HS3ST5: variants seen among roughly 807,000 people sequenced by gnomAD.
HS3ST5 encodes heparan sulfate-glucosamine 3-sulfotransferase 5.
In HS3ST5, 10 loss-of-function variants were observed where a neutral mutation model predicts 25.4. The observed-to-expected ratio is 0.39, with a 90% CI of 0.24 to 0.67. The LOEUF is 0.67. Among genes scored for constraint, HS3ST5 ranks in the 30% least tolerant of loss-of-function variants. The pLI is 0.44. For synonymous variants in HS3ST5, 170 were observed against 162.4 expected, an observed-to-expected ratio of 1.05 and a Z score of -0.36; for missense variants, 324 against 420.7, an observed-to-expected ratio of 0.77 and a Z score of 2.01.
chr6:114,188,060 CA>C (rs34294431), intron 2 of HS3ST5, among the ~76,000 whole-genome samples: 2 of 152,052 alleles, frequency 1.3e-5, no homozygotes, highest in South Asian at 2.1e-4. Flanking sequence ...ACTGGAAAGC[CA>C]AAAAAATTCA....
At position 114,260,706 on chromosome 6, in the gene HS3ST5, G is replaced by A. The variant is rs1024677518; in HGVS notation, c.-338-31928C>T. On this transcript the variant is annotated intron_variant, in intron 1 of 4. Coordinates refer to ENST00000312719, the MANE Select transcript of HS3ST5 (RefSeq NM_153612.4). ...ACAAATACTTGAAGCCATCCTCTAC[G>A]CTAAATGCTAGGTTGACCTGAGAAG... 2.6e-5 allele frequency among the ~76,000 whole-genome samples: 4 copies of A among 151,394 alleles called. No individual in the cohort carries two copies. The East Asian group carries it at 7.7e-4, about 29-fold the overall frequency.
intron 1 of HS3ST5, among the ~76,000 whole-genome samples, chr6:114,260,794 G>A (rs911125776): frequency 4.6e-5 from 7 of 152,216 alleles, no homozygotes; most frequent in Admixed American, 1.3e-4. Context: ...AGCATGATCT[G>A]TTCAAGAAGC....
At chr6:114,323,722 T>A (rs914537853) in intron 1 of HS3ST5, among the ~76,000 whole-genome samples, 5 of 152,198 alleles carry the variant, frequency 3.3e-5, no homozygotes, top group Non-Finnish European at 5.9e-5. Flanking sequence ...ATTATGCACA[T>A]TTAGTTTATA....
At chr6:114,268,931 C>T (rs1038769148) in intron 1 of HS3ST5, among the ~76,000 whole-genome samples, 2 of 152,114 alleles carry the variant, frequency 1.3e-5, no homozygotes, top group African/African-American at 4.8e-5. Flanking sequence ...AGATGCTGCC[C>T]ATTCCTCATG....
intron 2 of HS3ST5, among the ~76,000 whole-genome samples, chr6:114,210,560 G>A (rs1781471040): frequency 6.6e-6 from 1 of 152,144 alleles, no homozygotes; most frequent in Non-Finnish European, 1.5e-5. Context: ...GAGACAAATG[G>A]ACCATAACAG....
chr6:114,185,025 C>T (rs572590680), intron 2 of HS3ST5, among the ~76,000 whole-genome samples: 2 of 152,226 alleles, frequency 1.3e-5, no homozygotes, highest in South Asian at 4.1e-4. Flanking sequence ...ATGAATCATT[C>T]CTTGAGACTC....
intron 1 of HS3ST5, among the ~76,000 whole-genome samples, chr6:114,333,260 C>A (rs1390669677): frequency 6.6e-6 from 1 of 152,138 alleles, no homozygotes; most frequent in Admixed American, 6.6e-5. Context: ...CTTGAGGTAC[C>A]TATGTTCCTG....
chr6:114,060,697 CTGCTT>C (rs1241613811), intron 4 of HS3ST5, among the ~76,000 whole-genome samples: 2 of 152,122 alleles, frequency 1.3e-5, no homozygotes, highest in Non-Finnish European at 2.9e-5. Flanking sequence ...TAGACAGTCT[CTGCTT>C]TGTTTGAGGT....
At chr6:114,222,512 A>G (rs1782090035) in intron 2 of HS3ST5, among the ~76,000 whole-genome samples, 2 of 151,878 alleles carry the variant, frequency 1.3e-5, no homozygotes, top group Non-Finnish European at 3.0e-5. Flanking sequence ...CAGAACACTC[A>G]CATCAAGCCA....
intron 1 of HS3ST5, among the ~76,000 whole-genome samples, chr6:114,283,923 T>C (rs1187787021): frequency 6.6e-6 from 1 of 151,952 alleles, no homozygotes; most frequent in Non-Finnish European, 1.5e-5. Context: ...AGAAATAACA[T>C]TGCATATATC....
At chr6:114,281,201 C>T (rs544027948) in intron 1 of HS3ST5, among the ~76,000 whole-genome samples, 14 of 151,896 alleles carry the variant, frequency 9.2e-5, no homozygotes, top group South Asian at 2.1e-4. Context: ...TTCATGTTAC[C>T]GCATCCTTAG....
At chr6:114,262,528 C>A (rs1275503141) in intron 1 of HS3ST5, among the ~76,000 whole-genome samples, 1 of 150,872 alleles carries the variant, frequency 6.6e-6, no homozygotes, top group Non-Finnish European at 1.5e-5. Context: ...GCCTGGTTAA[C>A]AGTGCGAGAC....
At chr6:114,219,976 C>T (rs1781956128) in intron 2 of HS3ST5, among the ~76,000 whole-genome samples, 1 of 152,092 alleles carries the variant, frequency 6.6e-6, no homozygotes, top group South Asian at 2.1e-4. Context: ...ATTAAGTCTT[C>T]AGGACTTTAG....
chr6:114,258,315 A>T (rs1485573102), intron 1 of HS3ST5, among the ~76,000 whole-genome samples: 1 of 152,130 alleles, frequency 6.6e-6, no homozygotes, highest in Non-Finnish European at 1.5e-5. Context: ...CCCTGCTGGG[A>T]TCCTATGTCT....
At chr6:114,209,019 A>T (rs1335486531) in intron 2 of HS3ST5, among the ~76,000 whole-genome samples, 1 of 152,150 alleles carries the variant, frequency 6.6e-6, no homozygotes, top group African/African-American at 2.4e-5. Flanking sequence ...TCCACAAGGG[A>T]TCATAACAAT....
At chr6:114,327,926 G>A (rs1776235627) in intron 1 of HS3ST5, among the ~76,000 whole-genome samples, 2 of 152,164 alleles carry the variant, frequency 1.3e-5, no homozygotes, top group African/African-American at 4.8e-5. Flanking sequence ...AGGTGATATT[G>A]CTCAAGATAT....
rs192017448 is a variant in HS3ST5 at position 114,263,617 on chromosome 6, C to T, written c.-338-34839G>A. 5.4e-3 allele frequency among the ~76,000 whole-genome samples: 822 copies of T among 152,256 alleles called. 6 individuals are homozygous for T. The highest frequency in any genetic ancestry group is 5.5e-3 in the Admixed American group (84 of 15,280). The stretch of plus-strand genomic sequence containing the variant: ...ATTGATTTCTAACTGAAAAACAAAA[C>T]ACGAAGCTTGCTGATAGCGAAAGTC... On this transcript the variant is annotated intron_variant, in intron 1 of 4. Transcript: ENST00000312719.
chr6:114,332,615 T>C (rs917201345), intron 1 of HS3ST5, among the ~76,000 whole-genome samples: 1 of 152,058 alleles, frequency 6.6e-6, no homozygotes, highest in Non-Finnish European at 1.5e-5. Context: ...ACTGGAGATA[T>C]AGGTACTGTT....
intron 1 of HS3ST5, among the ~76,000 whole-genome samples, chr6:114,234,191 C>G (rs192865255): frequency 3.3e-5 from 5 of 152,192 alleles, no homozygotes; most frequent in Non-Finnish European, 4.4e-5. Context: ...TGAAGCTTGC[C>G]TAAGGCATAG....
Sources: gnomAD v4.1 joint callset for allele counts (sites outside exome capture counted in the v4.1 genomes callset) on GRCh38, gnomAD v4.1.1 for gene constraint, MANE v1.5 for transcripts, NCBI Gene and HGNC (gene_info 2026-07-23, HGNC 2026-07-21) for gene names.